The following EXOSC5 variants were observed in gnomAD, a reference collection of about 807,000 sequenced individuals.
The protein encoded by EXOSC5 is exosome component 5.
In EXOSC5, 15 loss-of-function variants were observed where a neutral mutation model predicts 23.7. That is an observed-to-expected ratio of 0.63 (90% CI 0.42 to 0.97). EXOSC5 has a LOEUF of 0.97. Among genes scored for constraint, EXOSC5 ranks in the 50% least tolerant of loss-of-function variants. The probability of loss-of-function intolerance (pLI) is 0.00; values close to 1 mark genes in which losing one functional copy is unlikely to be tolerated. For missense variants in EXOSC5, 305 were observed against 316.3 expected, an observed-to-expected ratio of 0.96 and a Z score of 0.27; for synonymous variants, 143 against 140.9, an observed-to-expected ratio of 1.02 and a Z score of -0.11.
In EXOSC5 at chr19:41,387,597, G is replaced by A. The variant is rs140989771; in HGVS notation, c.532C>T (p.Arg178Trp). 1.8e-5 allele frequency: 28 copies of A among 1,594,122 alleles called. No homozygotes were observed. The highest frequency in any genetic ancestry group is 5.4e-5 in the Admixed American group (3 of 55,880). ...DPTSKQEKEA[R>W]AVLTFALDSV... ...TCCAGGGCAAAGGTCAGGACTGCCC[G>A]GGCCTCCTAGGGACAAGGGGTAGAA... The change falls in exon 5 of 6, where the codon CGG becomes TGG. Residue 178 changes from arginine to tryptophan, a missense_variant. Arg to Trp is a moderately radical substitution (Grantham distance 101). Transcript: ENST00000221233.
intron 1 of EXOSC5, among the ~76,000 whole-genome samples, chr19:41,396,444 A>AGG (rs1414999183): frequency 6.6e-6 from 1 of 152,124 alleles, no homozygotes; most frequent in Non-Finnish European, 1.5e-5. Context: ...TCCTGACCTC[A>AGG]GGTGAGCCAC....
chr19:41,387,930 C>G (rs144045860), intron 4 of EXOSC5, among the ~76,000 whole-genome samples: 30 of 152,230 alleles, frequency 2.0e-4, no homozygotes, highest in Non-Finnish European at 4.0e-4. Flanking sequence ...TACACTCCAG[C>G]ATGGGCGACA....
At position 41,391,932 on chromosome 19, in the gene EXOSC5, A is replaced by G. The variant is rs2039025868; in HGVS notation, c.293T>C (p.Ile98Thr). Reference protein sequence around the residue: ...GVAEKSRERLIRNTCEAVVLG... With the variant: ...GVAEKSRERLTRNTCEAVVLG... ...CACCACCGCCTCGCACGTGTTCCTGATCAGCCGCTCCCGGCTCTTCTCTGC... is the reference window on the plus strand; with the variant it reads ...CACCACCGCCTCGCACGTGTTCCTGGTCAGCCGCTCCCGGCTCTTCTCTGC... Residue 98 changes from isoleucine (I) to threonine (T), a missense_variant, in exon 3 of 6, where the codon ATC becomes ACC. Coordinates refer to ENST00000221233, the MANE Select transcript of EXOSC5 (RefSeq NM_020158.4). The G allele has an allele frequency of 6.3e-7, 1 of 1,581,780 alleles. No individual in the cohort carries two copies.
At chr19:41,392,120 G>A (rs1048310858) in intron 2 of EXOSC5, 158 bp from the exon 3 acceptor site, 13 of 1,096,214 alleles carry the variant, frequency 1.2e-5, no homozygotes, top group Middle Eastern at 4.1e-4. Flanking sequence ...AAGAAGGCAA[G>A]GCCTGACTGC....
intron 4 of EXOSC5, 40 bp downstream of exon 4, chr19:41,389,725 C>T (rs1478719944): frequency 6.3e-7 from 1 of 1,599,686 alleles, no homozygotes; most frequent in Non-Finnish European, 8.5e-7. Flanking sequence ...GGGCAGCTGT[C>T]TGGCCTCTGC....
chr19:41,390,717 G>A (rs2039017344), intron 3 of EXOSC5, among the ~76,000 whole-genome samples: 1 of 150,808 alleles, frequency 6.6e-6, no homozygotes, highest in African/African-American at 2.4e-5. Context: ...AGCTGGCTCT[G>A]CCTCAGTTTC....
rs10853751 is a variant in EXOSC5, at chr19:41,397,315, G to A, written c.14C>T (p.Thr5Met). 0.61 allele frequency: 977,952 copies of A among 1,613,288 alleles called. 300,193 individuals carry two copies. Among genetic ancestry groups the A allele is most frequent in the African/African-American group, 0.82 (61,886 of 75,014 alleles). ...AGCACGGATTTTGGCGTCAGTATGC[G>A]TCTCCTCCTCCATCGCGCCGAGCCC... MEEETHTDAKIRAEN... is the reference protein window; with the variant it reads MEEEMHTDAKIRAEN... Residue 5 changes from threonine to methionine, a missense_variant, in exon 1 of 6, where the codon ACG becomes ATG. Thr to Met is a moderately conservative substitution (Grantham distance 81). Transcript: ENST00000221233.
chr19:41,389,689 G>A, intron 4 of EXOSC5, 76 bp downstream of exon 4: 1 of 1,552,188 alleles, frequency 6.4e-7, no homozygotes, highest in Non-Finnish European at 8.7e-7. Flanking sequence ...ACTGTCTGTA[G>A]AGAAGCGAGG....
At chr19:41,393,833 G>A (rs2039042847) in intron 1 of EXOSC5, among the ~76,000 whole-genome samples, 1 of 152,108 alleles carries the variant, frequency 6.6e-6, no homozygotes, top group South Asian at 2.1e-4. Flanking sequence ...GATTACAGGC[G>A]TGAGCCACTG....
chr19:41,395,419 G>A (rs556148256), intron 1 of EXOSC5, among the ~76,000 whole-genome samples: 1 of 152,190 alleles, frequency 6.6e-6, no homozygotes, highest in East Asian at 1.9e-4. Context: ...TCTCTCCCCT[G>A]TTGACCCCAC....
chr19:41,390,379 T>G (rs2039015432), intron 3 of EXOSC5, among the ~76,000 whole-genome samples: 1 of 152,206 alleles, frequency 6.6e-6, no homozygotes, highest in Admixed American at 6.6e-5. Context: ...CAAGTAGCCC[T>G]GGGTTCCAGA....
At chr19:41,392,670 G>A (rs2039032115) in intron 2 of EXOSC5, among the ~76,000 whole-genome samples, 197 bp downstream of exon 2, 1 of 152,090 alleles carries the variant, frequency 6.6e-6, no homozygotes, top group South Asian at 2.1e-4. Context: ...AGGGAGAAAA[G>A]AGGGAGGGAG....
rs766182036 is a variant in EXOSC5, at chr19:41,389,764, C to T, written c.525+1G>A. The T allele has an allele frequency of 4.6e-5, 74 of 1,612,564 alleles. No individual in the cohort carries two copies. The highest frequency in any genetic ancestry group is 6.2e-5 in the Non-Finnish European group (73 of 1,179,424). ...TCAGCCACCCTGGTCTTCACACCTA[C>T]CTTTTCTTGCTTGGATGTAGGATCC... On this transcript the variant is annotated splice_donor_variant, in intron 4 of 5. Coordinates refer to ENST00000221233, the MANE Select transcript of EXOSC5 (RefSeq NM_020158.4). LOFTEE classifies it high-confidence loss of function.
intron 5 of EXOSC5, 80 bp from the exon 6 acceptor site, chr19:41,386,805 G>C: frequency 8.0e-7 from 1 of 1,251,470 alleles, no homozygotes; most frequent in Admixed American, 2.1e-5. Flanking sequence ...AGGTTCTGCT[G>C]ACCCCACCTG....
At position 41,387,560 on chromosome 19, in the gene EXOSC5, C is replaced by G; in HGVS notation, c.569G>C (p.Arg190Pro). ...VLTFALDSVE[R>P]KLLMSSTKGL... ...CTTGGTGCTGGACATCAGCAGCTTCCGTTCCACGCTGTCCAGGGCAAAGGT... is the reference window on the plus strand; with the variant it reads ...CTTGGTGCTGGACATCAGCAGCTTCGGTTCCACGCTGTCCAGGGCAAAGGT... The change falls in exon 5 of 6, where the codon CGG becomes CCG. Residue 190 changes from arginine (R) to proline (P), a missense_variant. By Grantham distance (103) the Arg-to-Pro change is moderately radical (BLOSUM62 -2). Coordinates refer to ENST00000221233, the MANE Select transcript of EXOSC5 (RefSeq NM_020158.4). 1 of 1,607,080 alleles carries G rather than the reference C, an allele frequency of 6.2e-7. No homozygotes were observed. Among genetic ancestry groups the G allele is most frequent in the Non-Finnish European group, 8.5e-7 (1 of 1,177,302 alleles).
At chr19:41,393,041 G>T (rs1326891052) in intron 1 of EXOSC5, 61 bp from the exon 2 acceptor site, 3 of 1,468,550 alleles carry the variant, frequency 2.0e-6, no homozygotes, top group African/African-American at 2.8e-5. Flanking sequence ...CCCCATTTGT[G>T]GCACTGAGCC....
intron 2 of EXOSC5, 26 bp downstream of exon 2, chr19:41,392,841 T>C: frequency 6.2e-7 from 1 of 1,609,724 alleles, no homozygotes; most frequent in African/African-American, 1.3e-5. Context: ...TGGGCACCAC[T>C]CAGAGGTTCA....
Position 41,397,245 on chromosome 19 carries a change from G to C in EXOSC5, c.84C>G (p.Leu28=), listed in dbSNP as rs766071143. The C allele has an allele frequency of 6.2e-7, 1 of 1,614,216 alleles. No individual in the cohort carries two copies. Among genetic ancestry groups the C allele is most frequent in the South Asian group, 1.1e-5 (1 of 91,090 alleles). Residue 28 remains leucine (L), a synonymous_variant, in exon 1 of 6, where the codon CTC becomes CTG. Transcript: ENST00000221233. ...GGTTCTGTTCGCAGGCAAAGTGCCG[G>C]AGGCTGCAGCCAGGACCCCGAGGGC... The part of the protein sequence containing the change: ...GSSPRGPGCS[L]RHFACEQNLL...
At chr19:41,390,861 T>A (rs1239535542) in intron 3 of EXOSC5, among the ~76,000 whole-genome samples, 1 of 152,204 alleles carries the variant, frequency 6.6e-6, no homozygotes, top group Admixed American at 6.5e-5. Flanking sequence ...GGGGTCACAA[T>A]ACCTTCTCTC....
Sources: allele counts gnomAD v4.1 joint callset (sites outside exome capture counted in the v4.1 genomes callset), GRCh38; gene constraint gnomAD v4.1.1; transcripts MANE v1.5; gene names NCBI Gene and HGNC (gene_info 2026-07-23, HGNC 2026-07-21).